The following SYN3 variants were observed in gnomAD, a reference collection of about 807,000 sequenced individuals.
SYN3 encodes synapsin-3.
A neutral mutation model predicts 65.8 loss-of-function variants in SYN3; 35 were observed. The ratio of observed to expected loss-of-function variants is 0.53; its 90% CI spans 0.41 to 0.70. SYN3 has a LOEUF of 0.70. Ranked by LOEUF, SYN3 falls within the 30% of genes least tolerant of loss-of-function variation. The probability of loss-of-function intolerance (pLI) is 0.00; values close to 1 mark genes in which losing one functional copy is unlikely to be tolerated. For missense variants in SYN3, 680 were observed against 749.0 expected, an observed-to-expected ratio of 0.91 and a Z score of 1.08; for synonymous variants, 270 against 292.9, an observed-to-expected ratio of 0.92 and a Z score of 0.80.
intron 6 of SYN3, among the ~76,000 whole-genome samples, chr22:32,835,607 A>G (rs893196831): frequency 1.2e-4 from 18 of 152,176 alleles, no homozygotes; most frequent in Admixed American, 6.5e-5. Context: ...AAAGGCCCCA[A>G]GGCTTTGCAA....
intron 6 of SYN3, chr22:32,802,246 C>A: frequency 1.4e-6 from 2 of 1,387,470 alleles, no homozygotes; most frequent in South Asian, 1.4e-5. Flanking sequence ...GGGGTTGGGG[C>A]GGAGTGGAGA....
intron 6 of SYN3, among the ~76,000 whole-genome samples, chr22:32,694,360 C>A (rs1024819475): frequency 6.6e-6 from 1 of 152,190 alleles, no homozygotes; most frequent in African/African-American, 2.4e-5. Flanking sequence ...CTTCTGTTCT[C>A]TAACCAGGAG....
intron 1 of SYN3, among the ~76,000 whole-genome samples, chr22:33,039,823 T>A (rs1295282248): frequency 6.6e-6 from 1 of 152,218 alleles, no homozygotes; most frequent in African/African-American, 2.4e-5. Flanking sequence ...TGTAGTGTAT[T>A]ACTTCTGTGC....
intron 10 of SYN3, among the ~76,000 whole-genome samples, 181 bp downstream of exon 10, chr22:32,533,612 A>C (rs955386740): frequency 6.6e-6 from 1 of 152,112 alleles, no homozygotes; most frequent in Non-Finnish European, 1.5e-5. Flanking sequence ...CCAGGCATGA[A>C]GCCTTTCGAT....
chr22:32,889,106 A>C (rs2146462408), intron 4 of SYN3, among the ~76,000 whole-genome samples: 1 of 152,322 alleles, frequency 6.6e-6, no homozygotes, highest in African/African-American at 2.4e-5. Flanking sequence ...TTTTGTTACA[A>C]TCTGAAGTCT....
intron 7 of SYN3, among the ~76,000 whole-genome samples, chr22:32,564,970 AGTGCTCCTGG>A: frequency 6.8e-6 from 1 of 147,352 alleles, no homozygotes; most frequent in Admixed American, 6.7e-5. Flanking sequence ...GCACCCAAAC[AGTGCTCCTGG>A]ACTGCACCCA....
chr22:32,746,762 C>T (rs779220551), intron 6 of SYN3, among the ~76,000 whole-genome samples: 40 of 152,178 alleles, frequency 2.6e-4, no homozygotes, highest in Non-Finnish European at 5.3e-4. Flanking sequence ...CCCCAGGTGC[C>T]CAGGGCCCAG....
In SYN3 at chr22:32,528,987, G is replaced by C. The variant is rs748734978; in HGVS notation, c.1117C>G (p.Leu373Val). Reference sequence around the variant, plus strand: ...TCCTCTTCCACATGCTCTCCAATCAGCGGCATTGAGCTGTCCATTACCTGT... The same window carrying C: ...TCCTCTTCCACATGCTCTCCAATCACCGGCATTGAGCTGTCCATTACCTGT... ...IIEVMDSSMP[L>V]IGEHVEEDRQ... Residue 373 changes from leucine (L) to valine (V), a missense_variant, in exon 11 of 14, where the codon CTG becomes GTG. By Grantham distance (32) the Leu-to-Val change is conservative. Transcript: ENST00000358763. 16 of 1,613,944 alleles carry C rather than the reference G, an allele frequency of 9.9e-6. No homozygotes were observed. Among genetic ancestry groups the C allele is most frequent in the Non-Finnish European group, 1.4e-5 (16 of 1,180,046 alleles).
chr22:32,957,225 T>A (rs913848651), intron 3 of SYN3, among the ~76,000 whole-genome samples: 1 of 152,164 alleles, frequency 6.6e-6, no homozygotes, highest in South Asian at 2.1e-4. Flanking sequence ...AATCCTCTTT[T>A]CTCCCAAGCT....
intron 4 of SYN3, among the ~76,000 whole-genome samples, chr22:32,874,197 T>C (rs1003299896): frequency 3.3e-5 from 5 of 152,166 alleles, no homozygotes; most frequent in Non-Finnish European, 7.3e-5. Context: ...CTTCTCTTCC[T>C]GCCGTAGAGC....
At chr22:32,661,693 C>T (rs1016746614) in intron 6 of SYN3, among the ~76,000 whole-genome samples, 21 of 152,152 alleles carry the variant, frequency 1.4e-4, no homozygotes, top group Non-Finnish European at 5.9e-5. Flanking sequence ...CAGGGTCCTT[C>T]TCTTTCCCCC....
chr22:32,571,938 G>A (rs527484372), intron 7 of SYN3, among the ~76,000 whole-genome samples: 46 of 152,008 alleles, frequency 3.0e-4, no homozygotes, highest in African/African-American at 8.9e-4. Flanking sequence ...CGGTGTTGGC[G>A]CTCCAGTTGT....
intron 6 of SYN3, among the ~76,000 whole-genome samples, chr22:32,766,576 C>T (rs1423057519): frequency 6.6e-6 from 1 of 152,214 alleles, no homozygotes; most frequent in Non-Finnish European, 1.5e-5. Context: ...ATCGCACAGC[C>T]AATCCTATTC....
At chr22:32,643,303 C>T (rs35698554) in intron 6 of SYN3, among the ~76,000 whole-genome samples, 27,983 of 152,058 alleles carry the variant, frequency 0.18, 3,051 homozygotes, top group Middle Eastern at 0.24. Flanking sequence ...TGGTCTTGAA[C>T]TCCTGACCTT....
At chr22:32,957,879 A>C (rs574764636) in intron 3 of SYN3, among the ~76,000 whole-genome samples, 1 of 152,318 alleles carries the variant, frequency 6.6e-6, no homozygotes, top group African/African-American at 2.4e-5. Context: ...TTTCTTCCAC[A>C]GGGGCTACCG....
chr22:33,041,969 T>C (rs2053972570), intron 1 of SYN3, among the ~76,000 whole-genome samples: 1 of 152,148 alleles, frequency 6.6e-6, no homozygotes, highest in Non-Finnish European at 1.5e-5. Flanking sequence ...AAGGACTGAA[T>C]GTGTGTGTCC....
intron 6 of SYN3, among the ~76,000 whole-genome samples, chr22:32,603,323 T>A (rs1171401793): frequency 7.0e-6 from 1 of 142,144 alleles, no homozygotes. Flanking sequence ...CCATCCTGGC[T>A]AACATGGTGA....
At chr22:33,034,193 A>C (rs201322129) in intron 1 of SYN3, among the ~76,000 whole-genome samples, 55 of 151,246 alleles carry the variant, frequency 3.6e-4, no homozygotes, top group East Asian at 7.9e-4. Context: ...GTTAAAAAAA[A>C]ACACACACAC....
chr22:32,654,260 G>C (rs976512781), intron 6 of SYN3, among the ~76,000 whole-genome samples: 1 of 152,098 alleles, frequency 6.6e-6, no homozygotes, highest in African/African-American at 2.4e-5. Flanking sequence ...TCAGTTCCTT[G>C]GTCCTGGCAG....
Sources: gnomAD v4.1 joint callset for allele counts (sites outside exome capture counted in the v4.1 genomes callset) on GRCh38, gnomAD v4.1.1 for gene constraint, MANE v1.5 for transcripts, NCBI Gene and HGNC (gene_info 2026-07-23, HGNC 2026-07-21) for gene names.